ANKAR: variants seen among roughly 807,000 people sequenced by gnomAD.
The protein encoded by ANKAR is ankyrin and armadillo repeat-containing protein.
In ANKAR, 136 loss-of-function variants were observed where a neutral mutation model predicts 146.2. The ratio of observed to expected loss-of-function variants is 0.93; its 90% CI spans 0.81 to 1.07. The LOEUF (loss-of-function observed/expected upper bound fraction) is 1.07, where lower values mean the gene tolerates loss of function less well. Ranked by LOEUF, ANKAR falls within the 50% of genes least tolerant of loss-of-function variation. The probability of loss-of-function intolerance (pLI) is 0.00; values close to 1 mark genes in which losing one functional copy is unlikely to be tolerated. For missense variants in ANKAR, 1,567 were observed against 1,679.9 expected (o/e 0.93, Z 1.18); for synonymous variants, 500 against 575.8 (o/e 0.87, Z 1.88).
At chr2:189,754,341 G>T (rs2045736402) in intron 18 of ANKAR, 1 of 1,598,944 alleles carries the variant, frequency 6.3e-7, no homozygotes, top group Non-Finnish European at 8.5e-7. Flanking sequence ...AAGTCTTCTT[G>T]CCACCTATCA....
At chr2:189,692,619 A>C (rs2036592417) in intron 4 of ANKAR, 1 of 442,794 alleles carries the variant, frequency 2.3e-6, no homozygotes, top group South Asian at 3.7e-5. Context: ...TGGATATCTG[A>C]GATAAAATTA....
Position 189,690,985 on chromosome 2 carries a change from C to T in ANKAR, c.1039+1021C>T, listed in dbSNP as rs1045443711. On this transcript the variant is annotated intron_variant, in intron 3 of 22. Coordinates refer to ENST00000684021, the MANE Select transcript of ANKAR (RefSeq NM_001378068.1). ...ATATTTCTCAAAATACATTATGTCCCTTATGTTGATTAAACCATATTCTAC... is the reference window on the plus strand; with the variant it reads ...ATATTTCTCAAAATACATTATGTCCTTTATGTTGATTAAACCATATTCTAC... Among the ~76,000 whole-genome samples, 3 of 152,192 alleles carry T rather than the reference C, an allele frequency of 2.0e-5. No individual in the cohort carries two copies. In the East Asian group the frequency reaches 5.8e-4, roughly 29 times the overall value.
intron 5 of ANKAR, among the ~76,000 whole-genome samples, chr2:189,694,036 AC>A (rs1354761536): frequency 2.0e-5 from 3 of 152,110 alleles, no homozygotes; most frequent in African/African-American, 7.2e-5. Flanking sequence ...GGCATGAGCC[AC>A]CATGCCTGTC....
At chr2:189,741,110 T>A (rs964041420) in intron 19 of ANKAR, among the ~76,000 whole-genome samples, 5 of 152,198 alleles carry the variant, frequency 3.3e-5, no homozygotes, top group African/African-American at 1.2e-4. Flanking sequence ...AATTTTCAAA[T>A]TTTTCACCCT....
chr2:189,735,145 C>A (rs1008414802), intron 17 of ANKAR, among the ~76,000 whole-genome samples: 11 of 151,974 alleles, frequency 7.2e-5, no homozygotes, highest in African/African-American at 2.7e-4. Context: ...TTACCTTACT[C>A]CTCATGTGCA....
In ANKAR at chr2:189,726,077, G is replaced by A. The variant is rs117133361; in HGVS notation, c.2636-1779G>A. Among the ~76,000 whole-genome samples the A allele has an allele frequency of 1.5e-4, 23 of 152,248 alleles. No individual in the cohort carries two copies. In the East Asian group the frequency reaches 3.1e-3, roughly 20 times the overall value. The stretch of plus-strand genomic sequence containing the variant: ...CAAATGTGAAGGGGTGGTAGATTTG[G>A]AAAATTAGTATTTTGCAAACAGCAT... On this transcript the variant is annotated intron_variant, in intron 12 of 22. Coordinates refer to ENST00000684021, the MANE Select transcript of ANKAR (RefSeq NM_001378068.1).
chr2:189,745,027 C>A (rs7420448), intron 22 of ANKAR, among the ~76,000 whole-genome samples: 3,005 of 131,092 alleles, frequency 0.023, 74 homozygotes, highest in African/African-American at 0.044. Context: ...ACTACTACTA[C>A]TAATAATACA....
Position 189,674,732 on chromosome 2 carries a change from C to G in ANKAR, c.-134C>G, listed in dbSNP as rs564480196. The G allele has an allele frequency of 3.9e-5, 6 of 152,454 alleles. No individual in the cohort carries two copies. Among genetic ancestry groups the G allele is most frequent in the African/African-American group, 1.4e-4 (6 of 41,604 alleles). The allele number at this position is 152,454 out of a possible 1,614,324, so 9.4% of individuals were successfully genotyped here. On this transcript the variant is annotated 5_prime_UTR_variant, in exon 1 of 23. Coordinates refer to ENST00000684021, the MANE Select transcript of ANKAR (RefSeq NM_001378068.1). Reference sequence around the variant, plus strand: ...GGCCCTGAGGGCGGATTCAAGGCCCCGCGAGAAGCCATCTGAGGCGGCGAC... The same window carrying G: ...GGCCCTGAGGGCGGATTCAAGGCCCGGCGAGAAGCCATCTGAGGCGGCGAC...
At chr2:189,718,633 A>G (rs2040848716) in intron 10 of ANKAR, among the ~76,000 whole-genome samples, 2 of 152,218 alleles carry the variant, frequency 1.3e-5, no homozygotes, top group African/African-American at 2.4e-5. Flanking sequence ...GGTCTTTATT[A>G]TATCTATTAT....
rs374943072 is a variant in ANKAR, at chr2:189,730,617, T to C, written c.3300+16T>C. 1.8e-3 allele frequency: 2,465 copies of C among 1,374,510 alleles called. 6 individuals are homozygous for C. The highest frequency in any genetic ancestry group is 2.3e-3 in the Non-Finnish European group (2,279 of 1,005,146). 85.1% of individuals were successfully genotyped at this position (1,374,510 alleles called of 1,614,324 possible). A position where few individuals can be genotyped will look rare whatever the true frequency, so the allele number is the denominator to read the frequency against. ...TAACATTAAGGTATAAAGGTTTACA[T>C]TGTTTTCTGATATGGTAAAAATTAA... On this transcript the variant is annotated intron_variant, in intron 16 of 22. Transcript: ENST00000684021.
At chr2:189,691,264 C>G (rs2036350040) in intron 3 of ANKAR, among the ~76,000 whole-genome samples, 1 of 152,184 alleles carries the variant, frequency 6.6e-6, no homozygotes, top group Non-Finnish European at 1.5e-5. Context: ...CTATGTTGGC[C>G]AAGCTGGTCT....
intron 18 of ANKAR, 78 bp from the exon 19 acceptor site, chr2:189,738,487 A>T (rs1483648729): frequency 3.5e-6 from 3 of 853,074 alleles, no homozygotes; most frequent in Non-Finnish European, 5.5e-6. Context: ...AAAAAAAAAC[A>T]TAAAAAATGA....
In ANKAR at chr2:189,711,096, T is replaced by G. The variant is rs1219606505; in HGVS notation, c.2167T>G (p.Ser723Ala). The G allele has an allele frequency of 4.3e-6, 7 of 1,614,148 alleles. No individual in the cohort carries two copies. The South Asian group carries it at 7.7e-5, about 18-fold the overall frequency. Reference sequence around the variant, plus strand: ...TAAACGAAGGATGATGGCCGTCATGTCCTTGGAAGTAATTTGCTTAGCAAA... The same window carrying G: ...TAAACGAAGGATGATGGCCGTCATGGCCTTGGAAGTAATTTGCTTAGCAAA... ...SYKRRMMAVM[S>A]LEVICLANDQ... The change falls in exon 10 of 23, where the codon TCC becomes GCC. Residue 723 changes from serine (S) to alanine (A), a missense_variant. By Grantham distance (99) the Ser-to-Ala change is moderately conservative. Transcript: ENST00000684021.
At chr2:189,714,974 G>A in intron 10 of ANKAR, among the ~76,000 whole-genome samples, 1 of 145,430 alleles carries the variant, frequency 6.9e-6, no homozygotes, top group Non-Finnish European at 1.5e-5. Flanking sequence ...AAAAGAGAGA[G>A]AGAGAGAAAC....
intron 12 of ANKAR, among the ~76,000 whole-genome samples, chr2:189,722,394 T>TTAAACATA (rs1168753030): frequency 6.6e-6 from 1 of 151,738 alleles, no homozygotes; most frequent in African/African-American, 2.4e-5. Context: ...TATGTATATT[T>TTAAACATA]TAAACATATA....
In ANKAR at chr2:189,746,483, A is replaced by G. The variant is rs747358300; in HGVS notation, c.4161A>G (p.Lys1387=). The G allele has an allele frequency of 6.2e-7, 1 of 1,613,932 alleles. No homozygotes were observed. Among genetic ancestry groups the G allele is most frequent in the Non-Finnish European group, 8.5e-7 (1 of 1,179,904 alleles). Residue 1387 remains lysine, a synonymous_variant, in exon 23 of 23, where the codon AAA becomes AAG. Transcript: ENST00000684021. ...TNFMGLFKAT[K]KTKDSHNIFS... is the part of the protein sequence containing the mutation. ...TCATGGGACTCTTCAAAGCAACAAA[A>G]AAGACCAAGGATTCCCATAATATTT...
At chr2:189,751,804 AAAT>A (rs1254844033) in intron 18 of ANKAR, among the ~76,000 whole-genome samples, 2 of 126,850 alleles carry the variant, frequency 1.6e-5, no homozygotes, top group East Asian at 4.7e-4. Flanking sequence ...TTATTTATGA[AAAT>A]AATTGTCTTT....
chr2:189,762,694 G>C, downstream of ANKAR: 1 of 985,306 alleles, frequency 1.0e-6, no homozygotes, highest in Non-Finnish European at 1.2e-6. Context: ...CCTTCCACTT[G>C]GGCGGCAGTA....
intron 3 of ANKAR, 83 bp from the exon 4 acceptor site, chr2:189,692,172 C>T (rs16831873): frequency 0.13 from 154,061 of 1,187,534 alleles, 10,941 homozygotes; most frequent in Middle Eastern, 0.16. Flanking sequence ...ACTTTGTTTA[C>T]ATGAATGAGA....
Sources: allele counts gnomAD v4.1 joint callset (sites outside exome capture counted in the v4.1 genomes callset), GRCh38; gene constraint gnomAD v4.1.1; transcripts MANE v1.5; gene names NCBI Gene and HGNC (gene_info 2026-07-23, HGNC 2026-07-21).